Variants in GRM8 observed in about 807,000 individuals in gnomAD.
The protein encoded by GRM8 is glutamate metabotropic receptor 8, also known as metabotropic glutamate receptor 8.
GRM8 carries 47 observed loss-of-function variants against 87.2 expected under a neutral mutation model. That is an observed-to-expected ratio of 0.54 (90% CI 0.43 to 0.69). The LOEUF is 0.69. Among genes scored for constraint, GRM8 ranks in the 30% least tolerant of loss-of-function variants. GRM8 has a pLI of 0.00. For synonymous variants in GRM8, 396 were observed against 404.5 expected (o/e 0.98, Z 0.25); for missense variants, 1,019 against 1,139.2 (o/e 0.89, Z 1.52).
At chr7:126,719,015 T>C (rs986057835) in intron 7 of GRM8, among the ~76,000 whole-genome samples, 1 of 152,210 alleles carries the variant, frequency 6.6e-6, no homozygotes, top group Non-Finnish European at 1.5e-5. Context: ...TGTGGGACAA[T>C]GGAATTACCT....
chr7:126,654,569 A>C (rs1293095572), intron 7 of GRM8, among the ~76,000 whole-genome samples: 1 of 152,194 alleles, frequency 6.6e-6, no homozygotes, highest in East Asian at 1.9e-4. Context: ...GAAAACTATA[A>C]GTGTTTTTAA....
chr7:126,518,166 G>A (rs118024014), intron 9 of GRM8, among the ~76,000 whole-genome samples: 18 of 152,144 alleles, frequency 1.2e-4, no homozygotes, highest in Non-Finnish European at 2.4e-4. Context: ...TGAGGAAAAC[G>A]TGGTAGAAGA....
intron 7 of GRM8, among the ~76,000 whole-genome samples, chr7:126,699,711 T>C (rs1809727534): frequency 1.3e-5 from 2 of 152,206 alleles, no homozygotes; most frequent in South Asian, 2.1e-4. Flanking sequence ...TCTGATGAAG[T>C]TCTCCCTTTG....
At position 126,647,694 on chromosome 7, in the gene GRM8, A is replaced by G. The variant is rs183446890; in HGVS notation, c.1358-38196T>C. 1.5e-3 allele frequency among the ~76,000 whole-genome samples: 226 copies of G among 152,220 alleles called. 1 individual carries two copies. The highest frequency in any genetic ancestry group is 0.013 in the Admixed American group (206 of 15,274). On this transcript the variant is annotated intron_variant, in intron 7 of 10. Transcript: ENST00000339582. ...CCATCATTGAAAGCTCTCTCTTTAT[A>G]CATTTTCCAAGTGGTCAGTTTTGCC...
chr7:126,886,660 G>A (rs915391080), intron 6 of GRM8, among the ~76,000 whole-genome samples: 3 of 152,050 alleles, frequency 2.0e-5, no homozygotes, highest in South Asian at 2.1e-4. Flanking sequence ...TACTGCCTAC[G>A]TGTTTTCTGA....
intron 8 of GRM8, among the ~76,000 whole-genome samples, chr7:126,547,737 T>C (rs1050469401): frequency 2.2e-4 from 33 of 152,138 alleles, no homozygotes; most frequent in African/African-American, 7.0e-4. Flanking sequence ...TCAAAATTTT[T>C]CCAGAATGAA....
chr7:127,028,019 T>C (rs1001897713), intron 3 of GRM8, among the ~76,000 whole-genome samples: 1 of 152,238 alleles, frequency 6.6e-6, no homozygotes, highest in Non-Finnish European at 1.5e-5. Context: ...ACCTAGTTTA[T>C]TGAGAATTTT....
chr7:126,871,423 A>G (rs1799087617), intron 6 of GRM8, among the ~76,000 whole-genome samples: 1 of 152,226 alleles, frequency 6.6e-6, no homozygotes, highest in African/African-American at 2.4e-5. Context: ...AAAAGAGCAC[A>G]TTTTATGAAT....
intron 2 of GRM8, among the ~76,000 whole-genome samples, chr7:127,194,763 A>G (rs1795197312): frequency 6.6e-6 from 1 of 152,164 alleles, no homozygotes; most frequent in Non-Finnish European, 1.5e-5. Flanking sequence ...ACATCAGAGA[A>G]ATCAGCCTAA....
At chr7:126,643,772 A>G (rs1348187508) in intron 7 of GRM8, among the ~76,000 whole-genome samples, 1 of 152,244 alleles carries the variant, frequency 6.6e-6, no homozygotes, top group Non-Finnish European at 1.5e-5. Context: ...CAAAATAGGA[A>G]ATGCCAACAA....
At chr7:126,440,589 A>C (rs561821863) in intron 10 of GRM8, among the ~76,000 whole-genome samples, 1 of 152,068 alleles carries the variant, frequency 6.6e-6, no homozygotes, top group South Asian at 2.1e-4. Context: ...TTTTTACTGT[A>C]TCTTTACTAT....
At chr7:126,486,118 G>A (rs189313661) in intron 9 of GRM8, among the ~76,000 whole-genome samples, 127 of 151,770 alleles carry the variant, frequency 8.4e-4, no homozygotes, top group African/African-American at 2.8e-3. Flanking sequence ...TGAACCCCCC[G>A]TCCAACAAAC....
chr7:126,812,148 GA>G (rs1005094059), intron 6 of GRM8, among the ~76,000 whole-genome samples: 1 of 151,758 alleles, frequency 6.6e-6, no homozygotes, highest in Non-Finnish European at 1.5e-5. Flanking sequence ...AAAAAAATTA[GA>G]AAAAATAATA....
At chr7:127,030,709 T>C (rs1586801611) in intron 3 of GRM8, among the ~76,000 whole-genome samples, 2 of 152,274 alleles carry the variant, frequency 1.3e-5, no homozygotes, top group African/African-American at 4.8e-5. Context: ...TGAATAGTAC[T>C]GGTAGTTCAA....
chr7:127,076,159 G>C (rs17866950), intron 3 of GRM8: 3 of 456,476 alleles, frequency 6.6e-6, no homozygotes, highest in South Asian at 4.6e-5. Flanking sequence ...ATTAGAAGCA[G>C]AAATTGGTAA....
chr7:126,760,015 G>A (rs1029081138), intron 7 of GRM8, among the ~76,000 whole-genome samples: 1 of 152,056 alleles, frequency 6.6e-6, no homozygotes, highest in Non-Finnish European at 1.5e-5. Context: ...CAAACTATTA[G>A]ACATAAACTC....
intron 6 of GRM8, among the ~76,000 whole-genome samples, chr7:126,835,094 AAAAG>A (rs1024618823): frequency 6.6e-5 from 10 of 151,512 alleles, no homozygotes; most frequent in African/African-American, 1.9e-4. Context: ...AATAAAAAAA[AAAAG>A]AAAAGAAAAG....
At chr7:126,501,942 G>T (rs760242582) in intron 9 of GRM8, among the ~76,000 whole-genome samples, 6 of 151,962 alleles carry the variant, frequency 3.9e-5, no homozygotes, top group African/African-American at 7.2e-5. Context: ...AGATACAGGT[G>T]CTCATAGAAT....
At chr7:126,691,122 T>C (rs1005047099) in intron 7 of GRM8, among the ~76,000 whole-genome samples, 6 of 152,188 alleles carry the variant, frequency 3.9e-5, no homozygotes, top group East Asian at 1.9e-4. Context: ...TCCAGGCTAT[T>C]CATGCCAAGG....
Sources: allele counts gnomAD v4.1 joint callset (sites outside exome capture counted in the v4.1 genomes callset), GRCh38; gene constraint gnomAD v4.1.1; transcripts MANE v1.5; gene names NCBI Gene and HGNC (gene_info 2026-07-23, HGNC 2026-07-21).